Variants in TMEM255A observed in about 807,000 individuals in gnomAD.
TMEM255A encodes family with sequence similarity 70, member A.
A neutral mutation model predicts 23.5 loss-of-function variants in TMEM255A; 14 were observed. The ratio of observed to expected loss-of-function variants is 0.60; its 90% CI spans 0.39 to 0.93. The LOEUF is 0.93. Ranked by LOEUF, TMEM255A falls within the 40% of genes least tolerant of loss-of-function variation. The pLI is 0.00. For missense variants in TMEM255A, 233 were observed against 261.7 expected, an observed-to-expected ratio of 0.89 and a Z score of 0.76; for synonymous variants, 104 against 100.3, an observed-to-expected ratio of 1.04 and a Z score of -0.22.
chrX:120,254,323 C>T (rs781825320), downstream of TMEM255A: 21 of 1,209,914 alleles, frequency 1.7e-5, no homozygotes, highest in South Asian at 3.3e-4. Flanking sequence ...AATCATATGC[C>T]CTCTTCAATC....
intron 5 of TMEM255A, 43 bp downstream of exon 5, chrX:120,287,111 A>G: frequency 1.3e-5 from 14 of 1,101,508 alleles, no homozygotes; most frequent in Non-Finnish European, 1.6e-5. Flanking sequence ...AGAACAGGGG[A>G]CTTTCCCAGG....
At chrX:120,285,640 G>A (rs782431986) in intron 5 of TMEM255A, 8 of 1,211,342 alleles carry the variant, frequency 6.6e-6, no homozygotes, top group Non-Finnish European at 7.8e-6. Context: ...TAGCTGCCTG[G>A]GTAAGGTTCC....
At chrX:120,281,578 T>C (rs900425470) in intron 6 of TMEM255A, among the ~76,000 whole-genome samples, 7 of 112,737 alleles carry the variant, frequency 6.2e-5, no homozygotes, top group Non-Finnish European at 1.3e-4. Flanking sequence ...ATTGAGTTCC[T>C]TAAGGGCAAA....
chrX:120,298,620 T>C (rs2058013924), intron 2 of TMEM255A, among the ~76,000 whole-genome samples: 1 of 111,158 alleles, frequency 9.0e-6, no homozygotes, highest in Admixed American at 9.6e-5. Context: ...TATTGTATAA[T>C]TTTTCTAAAA....
intron 3 of TMEM255A, among the ~76,000 whole-genome samples, 167 bp from the exon 4 acceptor site, chrX:120,291,507 G>A (rs2057915404): frequency 1.9e-5 from 2 of 107,267 alleles, no homozygotes; most frequent in Admixed American, 1.0e-4. Context: ...GGTAGGCAGG[G>A]GAGGCAGAGA....
At chrX:120,293,017 G>C (rs2057927125) in intron 3 of TMEM255A, among the ~76,000 whole-genome samples, 1 of 112,359 alleles carries the variant, frequency 8.9e-6, no homozygotes, top group Non-Finnish European at 1.9e-5. Context: ...CTGGCAAGGA[G>C]GCAGCCCAGG....
chrX:120,286,211 C>T (rs1935046832), intron 5 of TMEM255A, among the ~76,000 whole-genome samples: 1 of 112,183 alleles, frequency 8.9e-6, no homozygotes, highest in African/African-American at 3.2e-5. Flanking sequence ...TGCCTTACTC[C>T]AAGGGCACCC....
intron 6 of TMEM255A, among the ~76,000 whole-genome samples, chrX:120,279,767 G>C (rs903945316): frequency 3.6e-5 from 4 of 111,449 alleles, no homozygotes; most frequent in African/African-American, 1.3e-4. Context: ...GAGCCCGGGG[G>C]ATGTAATGCC....
chrX:120,265,056 T>A (rs782064978), intron 8 of TMEM255A, among the ~76,000 whole-genome samples: 13 of 110,492 alleles, frequency 1.2e-4, no homozygotes, highest in African/African-American at 4.0e-4. Flanking sequence ...TTTGTATTTT[T>A]AGTAGAGATG....
intron 8 of TMEM255A, among the ~76,000 whole-genome samples, chrX:120,266,993 G>C (rs1362361739): frequency 8.9e-6 from 1 of 112,035 alleles, no homozygotes. Flanking sequence ...GGAACGCTAA[G>C]CTTGTGGGAG....
At chrX:120,292,260 A>T (rs1475551533) in intron 3 of TMEM255A, among the ~76,000 whole-genome samples, 2 of 111,981 alleles carry the variant, frequency 1.8e-5, no homozygotes, top group Non-Finnish European at 3.8e-5. Flanking sequence ...TATTACAAAG[A>T]TGCTACTACA....
downstream of TMEM255A, chrX:120,256,555 A>G (rs1348241509): frequency 3.3e-5 from 4 of 122,903 alleles, no homozygotes; most frequent in South Asian, 3.8e-4. Flanking sequence ...AATTGCTGCA[A>G]TATTATAGTA....
intron 1 of TMEM255A, among the ~76,000 whole-genome samples, chrX:120,309,676 G>GTC (rs782163897): frequency 9.1e-4 from 101 of 110,543 alleles, no homozygotes; most frequent in Non-Finnish European, 1.6e-3. Flanking sequence ...CCACCTCTCT[G>GTC]TCTCTCTCTC....
At chrX:120,257,072 C>G (rs1232171970), downstream of TMEM255A, 4 of 121,972 alleles carry the variant, frequency 3.3e-5, no homozygotes, top group African/African-American at 1.3e-4. Context: ...TCAGTTCATG[C>G]AATAATACAA....
downstream of TMEM255A, chrX:120,253,997 T>TGAC (rs782400581): frequency 4.1e-6 from 5 of 1,208,649 alleles, no homozygotes; most frequent in Non-Finnish European, 4.5e-6. Flanking sequence ...ATGATGATGA[T>TGAC]GTCATTTTTT....
chrX:120,253,861 T>TA, downstream of TMEM255A: 1 of 1,211,407 alleles, frequency 8.3e-7, no homozygotes, highest in Non-Finnish European at 1.1e-6. Flanking sequence ...AACCTTGTAA[T>TA]ACAGAAATCA....
chrX:120,292,022 T>G (rs1188537108), intron 3 of TMEM255A, among the ~76,000 whole-genome samples: 9 of 111,424 alleles, frequency 8.1e-5, no homozygotes, highest in Admixed American at 6.7e-4. Flanking sequence ...TTTTTAAATT[T>G]TTTTAGAGAC....
chrX:120,293,775 G>A (rs1432845629), intron 3 of TMEM255A, among the ~76,000 whole-genome samples: 3 of 112,259 alleles, frequency 2.7e-5, no homozygotes, highest in Non-Finnish European at 5.6e-5. Context: ...AAGGAATCTA[G>A]CTAGGCCAGT....
At chrX:120,307,062 T>C (rs1171975165) in intron 1 of TMEM255A, among the ~76,000 whole-genome samples, 1 of 112,321 alleles carries the variant, frequency 8.9e-6, no homozygotes, top group African/African-American at 3.2e-5. Context: ...TCACCACTTA[T>C]TTTATAAGGA....
Sources: gnomAD v4.1 joint callset for allele counts (sites outside exome capture counted in the v4.1 genomes callset) on GRCh38, gnomAD v4.1.1 for gene constraint, MANE v1.5 for transcripts, NCBI Gene and HGNC (gene_info 2026-07-23, HGNC 2026-07-21) for gene names.